The following GRIN2B variants were observed in gnomAD, a reference collection of about 807,000 sequenced individuals.
GRIN2B encodes glutamate receptor ionotropic, NMDA 2B.
A neutral mutation model predicts 114.5 loss-of-function variants in GRIN2B; 5 were observed. That is an observed-to-expected ratio of 0.04 (90% confidence interval 0.02 to 0.09). The LOEUF is 0.09. Among genes scored for constraint, GRIN2B ranks in the 10% least tolerant of loss-of-function variants. The pLI, the probability that GRIN2B is intolerant of heterozygous loss-of-function variation, is 1.00. For missense variants in GRIN2B, 1,108 were observed against 1,943.5 expected, an observed-to-expected ratio of 0.57 and a Z score of 8.08; for synonymous variants, 787 against 745.1, an observed-to-expected ratio of 1.06 and a Z score of -0.92.
intron 4 of GRIN2B, among the ~76,000 whole-genome samples, chr12:13,715,446 C>T (rs1950446710): frequency 6.6e-6 from 1 of 151,896 alleles, no homozygotes; most frequent in African/African-American, 2.4e-5. Context: ...AATAGTCTTG[C>T]TCTGAAGGTA....
rs563377261 is a variant in GRIN2B at position 13,545,858 on chromosome 12, T to C, written c.*16925A>G. 6.6e-6 allele frequency: 1 copy of C among 152,316 alleles called. No homozygotes were observed. The highest frequency in any genetic ancestry group is 2.4e-5 in the African/African-American group (1 of 41,572). The allele number at this position is 152,316 out of a possible 1,614,324, so 9.4% of individuals were successfully genotyped here. On this transcript the variant is annotated 3_prime_UTR_variant, in exon 14 of 14. Transcript: ENST00000609686. ...TTCCTGGTTTGCTTAGAACATATGA[T>C]CTACTACCCGCCAGTAATATTTTAT...
intron 3 of GRIN2B, among the ~76,000 whole-genome samples, chr12:13,762,875 G>GTT (rs148959567): frequency 6.7e-5 from 10 of 149,502 alleles, no homozygotes; most frequent in Middle Eastern, 3.2e-3. Context: ...TTCTGAGAAA[G>GTT]TTTTTTTTTT....
At chr12:13,771,410 A>T (rs1430867444) in intron 3 of GRIN2B, among the ~76,000 whole-genome samples, 1 of 152,240 alleles carries the variant, frequency 6.6e-6, no homozygotes, top group Non-Finnish European at 1.5e-5. Context: ...ACAGTTTTAC[A>T]AAGAAAGATT....
chr12:13,690,314 CACAT>C (rs1276340128), intron 4 of GRIN2B, among the ~76,000 whole-genome samples: 4 of 145,338 alleles, frequency 2.8e-5, no homozygotes, highest in African/African-American at 7.7e-5. Flanking sequence ...CACACACACA[CACAT>C]GCACACGCAC....
intron 10 of GRIN2B, among the ~76,000 whole-genome samples, chr12:13,593,401 A>G (rs1949033203): frequency 6.6e-6 from 1 of 152,160 alleles, no homozygotes; most frequent in South Asian, 2.1e-4. Flanking sequence ...CACATCTACA[A>G]CCATCTGATA....
At chr12:13,694,962 G>C (rs7309028) in intron 4 of GRIN2B, among the ~76,000 whole-genome samples, 39,983 of 151,458 alleles carry the variant, frequency 0.26, 5,809 homozygotes, top group East Asian at 0.67. Flanking sequence ...AAGACTTGAG[G>C]CTATGTGTGC....
intron 4 of GRIN2B, among the ~76,000 whole-genome samples, chr12:13,730,881 A>G (rs1188708633): frequency 6.6e-6 from 1 of 152,208 alleles, no homozygotes; most frequent in Admixed American, 6.5e-5. Flanking sequence ...CACATTTGAC[A>G]TGACTAAACC....
rs959405813 is a variant in GRIN2B at position 13,562,321 on chromosome 12, T to C, written c.*462A>G. 2.3e-5 allele frequency: 4 copies of C among 173,390 alleles called. No individual in the cohort carries two copies. Among genetic ancestry groups the C allele is most frequent in the African/African-American group, 7.2e-5 (3 of 41,846 alleles). 10.7% of individuals were successfully genotyped at this position (173,390 alleles called of 1,614,324 possible). ...AGCCTCTTTCCTTTCACAAGCAGTG[T>C]GCTAAATGGTCTCACATAGATGCTT... On this transcript the variant is annotated 3_prime_UTR_variant, in exon 14 of 14. Coordinates refer to ENST00000609686, the MANE Select transcript of GRIN2B (RefSeq NM_000834.5).
intron 5 of GRIN2B, among the ~76,000 whole-genome samples, chr12:13,632,096 C>T (rs1189694259): frequency 6.6e-6 from 1 of 152,208 alleles, no homozygotes; most frequent in Non-Finnish European, 1.5e-5. Context: ...AAACTGACAA[C>T]TCAACTGGAA....
At position 13,567,011 on chromosome 12, in the gene GRIN2B, A is replaced by G. The variant is rs768721169; in HGVS notation, c.2598+14T>C. ...TCCCTAACAAGCTTTAGGCATTTAA[A>G]TCAAAACACTTACTCTGCTGATGGA... On this transcript the variant is annotated intron_variant, in intron 13 of 13. Coordinates refer to ENST00000609686, the MANE Select transcript of GRIN2B (RefSeq NM_000834.5). 4 of 1,582,614 alleles carry G rather than the reference A, an allele frequency of 2.5e-6. No individual in the cohort carries two copies. The African/African-American group carries it at 4.0e-5, about 16-fold the overall frequency.
chr12:13,871,316 C>T (rs992793451), intron 2 of GRIN2B, among the ~76,000 whole-genome samples: 1 of 150,350 alleles, frequency 6.7e-6, no homozygotes, highest in Non-Finnish European at 1.5e-5. Context: ...TGTCATTTTT[C>T]TATAATGTGA....
chr12:13,660,731 A>G (rs1949913678), intron 5 of GRIN2B, among the ~76,000 whole-genome samples: 1 of 152,176 alleles, frequency 6.6e-6, no homozygotes, highest in Admixed American at 6.6e-5. Flanking sequence ...AAAAGAGACT[A>G]AGCACTTCCT....
rs140268993 is a variant in GRIN2B at position 13,684,061 on chromosome 12, A to G, written c.1011-8202T>C. On this transcript the variant is annotated intron_variant, in intron 4 of 13. Coordinates refer to ENST00000609686, the MANE Select transcript of GRIN2B (RefSeq NM_000834.5). ...GTTCAGTATATTCTCTCTCATTCCT[A>G]TAACATCCAAAACTATTAAGGCTTG... 4.6e-5 allele frequency among the ~76,000 whole-genome samples: 7 copies of G among 152,180 alleles called. No individual in the cohort carries two copies. The East Asian group carries it at 1.4e-3, about 29-fold the overall frequency.
At chr12:13,905,779 G>A (rs1388575325) in intron 2 of GRIN2B, among the ~76,000 whole-genome samples, 3 of 152,076 alleles carry the variant, frequency 2.0e-5, no homozygotes. Context: ...GTATTCTGAC[G>A]AGCTGAGAGC....
chr12:13,651,975 T>C (rs983313167), intron 5 of GRIN2B, among the ~76,000 whole-genome samples: 4 of 152,080 alleles, frequency 2.6e-5, no homozygotes, highest in Admixed American at 6.6e-5. Flanking sequence ...TAATGAGCAT[T>C]TACTGTGTTC....
intron 3 of GRIN2B, among the ~76,000 whole-genome samples, chr12:13,863,350 C>T (rs1448242738): frequency 6.6e-6 from 1 of 152,158 alleles, no homozygotes; most frequent in Non-Finnish European, 1.5e-5. Context: ...TGACATCCCC[C>T]ACAATGCCAT....
chr12:13,573,493 C>T (rs1296500091), intron 10 of GRIN2B, among the ~76,000 whole-genome samples: 1 of 148,976 alleles, frequency 6.7e-6, no homozygotes, highest in Admixed American at 6.6e-5. Flanking sequence ...ACAGTAGGTG[C>T]CCAATAAATG....
At chr12:13,780,523 A>G (rs1463553322) in intron 3 of GRIN2B, among the ~76,000 whole-genome samples, 1 of 152,228 alleles carries the variant, frequency 6.6e-6, no homozygotes, top group Non-Finnish European at 1.5e-5. Flanking sequence ...TTCCTTTAAA[A>G]ACAGTCTTGT....
At chr12:13,960,319 T>C (rs2136860480) in intron 2 of GRIN2B, among the ~76,000 whole-genome samples, 2 of 152,320 alleles carry the variant, frequency 1.3e-5, no homozygotes, top group South Asian at 4.2e-4. Flanking sequence ...TTTTAATCAC[T>C]GTATTACTAT....
Sources: allele counts gnomAD v4.1 joint callset (sites outside exome capture counted in the v4.1 genomes callset), GRCh38; gene constraint gnomAD v4.1.1; transcripts MANE v1.5; gene names NCBI Gene and HGNC (gene_info 2026-07-23, HGNC 2026-07-21).